Variants in STRADB observed in about 807,000 individuals in gnomAD.
The protein encoded by STRADB is STE20 related adaptor beta.
STRADB carries 34 observed loss-of-function variants against 52.1 expected under a neutral mutation model. The ratio of observed to expected loss-of-function variants is 0.65; its 90% CI spans 0.50 to 0.87. STRADB has a LOEUF of 0.87. Ranked by LOEUF, STRADB falls within the 40% of genes least tolerant of loss-of-function variation. The probability of loss-of-function intolerance (pLI) is 0.00; values close to 1 mark genes in which losing one functional copy is unlikely to be tolerated. For synonymous variants in STRADB, 133 were observed against 174.5 expected, an observed-to-expected ratio of 0.76 and a Z score of 1.87; for missense variants, 340 against 483.9, an observed-to-expected ratio of 0.70 and a Z score of 2.79.
intron 10 of STRADB, 122 bp from the exon 11 acceptor site, chr2:201,479,367 C>A (rs962173067): frequency 1.2e-6 from 1 of 850,296 alleles, no homozygotes; most frequent in East Asian, 2.8e-5. Flanking sequence ...GACATACATT[C>A]TTTTTAATCT....
At position 201,478,142 on chromosome 2, in the gene STRADB, G is replaced by A. The variant is rs1952509819; in HGVS notation, c.776G>A (p.Cys259Tyr). 3.1e-6 allele frequency: 5 copies of A among 1,613,882 alleles called. No individual in the cohort carries two copies. The highest frequency in any genetic ancestry group is 1.1e-5 in the South Asian group (1 of 90,946). ...SDIYSVGITACELASGQVPFQ... is the reference protein window; with the variant it reads ...SDIYSVGITAYELASGQVPFQ... ...ATTTACAGTGTTGGGATTACAGCAT[G>A]TGAATTAGCCAGTGGGCAGGTGCCT... is the stretch of plus-strand genomic sequence containing the variant. Residue 259 changes from cysteine (C) to tyrosine (Y), a missense_variant, in exon 9 of 12, where the codon TGT (cysteine) becomes TAT (tyrosine). Physicochemically the swap from Cys to Tyr is radical, Grantham distance 194 (BLOSUM62 -2). Coordinates refer to ENST00000194530, the MANE Select transcript of STRADB (RefSeq NM_018571.6).
intron 1 of STRADB, among the ~76,000 whole-genome samples, chr2:201,452,195 C>T (rs959453191): frequency 6.6e-6 from 1 of 152,036 alleles, no homozygotes; most frequent in East Asian, 1.9e-4. Flanking sequence ...TGGTGCCTGC[C>T]GGGTTGGCCG....
chr2:201,477,513 G>T lies in STRADB; in HGVS notation c.549-106G>T, dbSNP rs189746263. 1.7e-5 allele frequency: 19 copies of T among 1,146,258 alleles called. No homozygotes were observed. The East Asian group carries it at 4.3e-4, about 26-fold the overall frequency. 71.0% of individuals were successfully genotyped at this position (1,146,258 alleles called of 1,614,324 possible). A position where few individuals can be genotyped will look rare whatever the true frequency, so the allele number is the denominator to read the frequency against. Reference sequence around the variant, plus strand: ...GCAGTTTATACTGCTGTTTTGTAAAGGGTATTTAATTTCCAAGAGAATATA... The same window carrying T: ...GCAGTTTATACTGCTGTTTTGTAAATGGTATTTAATTTCCAAGAGAATATA... On this transcript the variant is annotated intron_variant, in intron 7 of 11. Transcript: ENST00000194530.
rs910504731 is a variant in STRADB at position 201,480,682 on chromosome 2, A to G, written c.*507A>G. The G allele has an allele frequency of 1.2e-5, 12 of 986,534 alleles. No individual in the cohort carries two copies. In the African/African-American group the frequency reaches 2.1e-4, roughly 17 times the overall value. The allele number at this position is 986,534 out of a possible 1,614,324, so 61.1% of individuals were successfully genotyped here. A position where few individuals can be genotyped will look rare whatever the true frequency, so the allele number is the denominator to read the frequency against. Reference sequence around the variant, plus strand: ...TCTGTTAATACTTATGGTAACACCTAACTGAGCCTCACTCACATTAAATGA... The same window carrying G: ...TCTGTTAATACTTATGGTAACACCTGACTGAGCCTCACTCACATTAAATGA... On this transcript the variant is annotated 3_prime_UTR_variant, in exon 12 of 12. Transcript: ENST00000194530.
chr2:201,455,632 G>A (rs1265369914), intron 2 of STRADB, among the ~76,000 whole-genome samples: 2 of 151,954 alleles, frequency 1.3e-5, no homozygotes, highest in Non-Finnish European at 1.5e-5. Flanking sequence ...CTTGAACAAG[G>A]GATCAAGGCT....
chr2:201,460,750 T>C, intron 3 of STRADB: 1 of 322,896 alleles, frequency 3.1e-6, no homozygotes, highest in Non-Finnish European at 6.6e-6. Flanking sequence ...CACATTTTCT[T>C]TATCCATTCA....
At position 201,469,821 on chromosome 2, in the gene STRADB, G is replaced by A. The variant is rs1024703965; in HGVS notation, c.94-132G>A. On this transcript the variant is annotated intron_variant, in intron 3 of 11. Transcript: ENST00000194530. ...AATTCATTTTAGATCTTAAAACAGT[G>A]TCTTAAGCCACCTTGCAGTACCTTC... is the stretch of plus-strand genomic sequence containing the variant. 3 of 645,406 alleles carry A rather than the reference G, an allele frequency of 4.6e-6. No homozygotes were observed. The Admixed American group carries it at 8.1e-5, about 17-fold the overall frequency. 40.0% of individuals were successfully genotyped at this position (645,406 alleles called of 1,614,324 possible).
At position 201,478,450 on chromosome 2, in the gene STRADB, G is replaced by A; in HGVS notation, c.919G>A (p.Gly307Ser). 1 of 1,614,042 alleles carries A rather than the reference G, an allele frequency of 6.2e-7. No individual in the cohort carries two copies. The highest frequency in any genetic ancestry group is 8.5e-7 in the Non-Finnish European group (1 of 1,180,022). Residue 307 changes from glycine (G) to serine (S), a missense_variant, in exon 10 of 12, where the codon GGT becomes AGT. Physicochemically the swap from Gly to Ser is moderately conservative, Grantham distance 56. Transcript: ENST00000194530. ...SESRMKNSQS[G>S]VDSGIGESVL... ...ATCCAGAATGAAAAATTCCCAGTCAGGTGTAGACTCTGGGATTGGAGAAAG... is the reference window on the plus strand; with the variant it reads ...ATCCAGAATGAAAAATTCCCAGTCAAGTGTAGACTCTGGGATTGGAGAAAG...
Position 201,477,663 on chromosome 2 carries a change from T to C in STRADB, c.593T>C (p.Val198Ala), listed in dbSNP as rs747952366. The C allele has an allele frequency of 9.3e-6, 15 of 1,611,438 alleles. No homozygotes were observed. Among genetic ancestry groups the C allele is most frequent in the Middle Eastern group, 1.7e-4 (1 of 5,886 alleles). The part of the protein sequence containing the change: ...SHILISGDGL[V>A]TLSGLSHLHS... ...ATCCTCATTTCTGGTGATGGCCTAG[T>C]GACCCTCTCTGGCCTGTCCCATCTG... The change falls in exon 8 of 12, where the codon GTG (valine) becomes GCG (alanine). Residue 198 changes from valine (V) to alanine (A), a missense_variant. Val to Ala is a moderately conservative substitution (Grantham distance 64, BLOSUM62 0). Coordinates refer to ENST00000194530, the MANE Select transcript of STRADB (RefSeq NM_018571.6).
At chr2:201,475,367 A>C (rs1349746062) in intron 6 of STRADB, among the ~76,000 whole-genome samples, 2 of 152,120 alleles carry the variant, frequency 1.3e-5, no homozygotes, top group Non-Finnish European at 2.9e-5. Context: ...ATATATATAC[A>C]CACAGAATGT....
rs536551120 is a variant in STRADB, at chr2:201,468,085, C to CTTTTTTTTTTT, written c.94-1855_94-1845dup. On this transcript the variant is annotated intron_variant, in intron 3 of 11. Transcript: ENST00000194530. ...ATTGTGAGTCCTGCCTTTTTTTTTT[C>CTTTTTTTTTTT]TTTTTTTTTTTTTTTTTTTTTTTGG... 7.4e-3 allele frequency among the ~76,000 whole-genome samples: 524 copies of CTTTTTTTTTTT among 70,654 alleles called. 1 individual carries two copies. The highest frequency in any genetic ancestry group is 0.012 in the Middle Eastern group (1 of 86). The allele number at this position is 70,654 out of a possible 152,430, so 46.4% of individuals were successfully genotyped here. A position where few individuals can be genotyped will look rare whatever the true frequency, so the allele number is the denominator to read the frequency against.
intron 3 of STRADB, among the ~76,000 whole-genome samples, chr2:201,469,488 A>C (rs1212792412): frequency 6.6e-6 from 1 of 152,138 alleles, no homozygotes; most frequent in Non-Finnish European, 1.5e-5. Context: ...CTTCATCAGC[A>C]ATTTTAATAG....
Position 201,478,104 on chromosome 2 carries a change from T to C in STRADB, c.738T>C (p.Asn246=). The C allele has an allele frequency of 6.2e-7, 1 of 1,610,826 alleles. No individual in the cohort carries two copies. The highest frequency in any genetic ancestry group is 8.5e-7 in the Non-Finnish European group (1 of 1,179,128). The change falls in exon 9 of 12, where the codon AAT becomes AAC. Residue 246 remains asparagine, a synonymous_variant. Transcript: ENST00000194530. ...ELLRQDLHGY[N]VKSDIYSVGI... ...TCCTACAGGATTTACATGGGTATAA[T>C]GTGAAGTCAGATATTTACAGTGTTG...
chr2:201,473,105 T>G (rs770707585), intron 5 of STRADB, 29 bp downstream of exon 5: 4 of 1,598,174 alleles, frequency 2.5e-6, no homozygotes, highest in Non-Finnish European at 3.4e-6. Flanking sequence ...TGATACACAG[T>G]TGGGCCTCTG....
intron 3 of STRADB, among the ~76,000 whole-genome samples, chr2:201,465,012 G>A (rs776340081): frequency 6.6e-6 from 1 of 152,228 alleles, no homozygotes; most frequent in Non-Finnish European, 1.5e-5. Context: ...CTTTAGCCCA[G>A]GGCCAGTCCA....
intron 1 of STRADB, among the ~76,000 whole-genome samples, chr2:201,452,693 G>A (rs1424826050): frequency 3.3e-5 from 5 of 152,222 alleles, no homozygotes; most frequent in African/African-American, 1.2e-4. Context: ...TCAACAAAGA[G>A]TTACATCGGG....
At chr2:201,475,885 G>A in intron 7 of STRADB, 143 bp downstream of exon 7, 1 of 843,490 alleles carries the variant, frequency 1.2e-6, no homozygotes. Context: ...GGGACCATTA[G>A]GTGCAGTGGA....
rs536551120 is a variant in STRADB, at chr2:201,468,085, CTT to C, written c.94-1846_94-1845del. 5.9e-4 allele frequency among the ~76,000 whole-genome samples: 42 copies of C among 71,032 alleles called. 1 individual carries two copies. In the South Asian group the frequency reaches 0.018, roughly 30 times the overall value. 46.6% of individuals were successfully genotyped at this position (71,032 alleles called of 152,430 possible). A position where few individuals can be genotyped will look rare whatever the true frequency, so the allele number is the denominator to read the frequency against. On this transcript the variant is annotated intron_variant, in intron 3 of 11. Coordinates refer to ENST00000194530, the MANE Select transcript of STRADB (RefSeq NM_018571.6). Reference sequence around the variant, plus strand: ...ATTGTGAGTCCTGCCTTTTTTTTTTCTTTTTTTTTTTTTTTTTTTTTTTGGTA... The same window carrying C: ...ATTGTGAGTCCTGCCTTTTTTTTTTCTTTTTTTTTTTTTTTTTTTTTGGTA...
In STRADB at chr2:201,459,957, C is replaced by T. The variant is rs148227544; in HGVS notation, c.93+1093C>T. 5.9e-5 allele frequency among the ~76,000 whole-genome samples: 9 copies of T among 152,264 alleles called. No individual in the cohort carries two copies. The East Asian group carries it at 1.7e-3, about 29-fold the overall frequency. On this transcript the variant is annotated intron_variant, in intron 3 of 11. Coordinates refer to ENST00000194530, the MANE Select transcript of STRADB (RefSeq NM_018571.6). ...CACTTACACTTTTTATTTGGTTCTGCTCCCGTGTATCTTAGATATATCTAA... is the reference window on the plus strand; with the variant it reads ...CACTTACACTTTTTATTTGGTTCTGTTCCCGTGTATCTTAGATATATCTAA...
Sources: gnomAD v4.1 joint callset for allele counts (sites outside exome capture counted in the v4.1 genomes callset) on GRCh38, gnomAD v4.1.1 for gene constraint, MANE v1.5 for transcripts, NCBI Gene and HGNC (gene_info 2026-07-23, HGNC 2026-07-21) for gene names.